ANGPT1: variants seen among roughly 807,000 people sequenced by gnomAD.
The protein encoded by ANGPT1 is angiopoietin-1.
A neutral mutation model predicts 62.2 loss-of-function variants in ANGPT1; 17 were observed. That is an observed-to-expected ratio of 0.27 (90% CI 0.19 to 0.41). ANGPT1 has a LOEUF of 0.41. ANGPT1 is among the 10% of genes least tolerant of loss of function. The pLI is 1.00. For missense variants in ANGPT1, 478 were observed against 594.9 expected, an observed-to-expected ratio of 0.80 and a Z score of 2.04; for synonymous variants, 199 against 198.9, an observed-to-expected ratio of 1.00 and a Z score of 0.00.
intron 1 of ANGPT1, among the ~76,000 whole-genome samples, chr8:107,399,642 C>T (rs1298231245): frequency 1.3e-5 from 2 of 152,120 alleles, no homozygotes; most frequent in Non-Finnish European, 2.9e-5. Context: ...AGTGGCTGAG[C>T]CCGGCTCCTG....
At chr8:107,354,749 C>T (rs949583000) in intron 1 of ANGPT1, among the ~76,000 whole-genome samples, 1 of 152,018 alleles carries the variant, frequency 6.6e-6, no homozygotes, top group Non-Finnish European at 1.5e-5. Flanking sequence ...CCATTCTGTC[C>T]CAAATATATT....
intron 1 of ANGPT1, among the ~76,000 whole-genome samples, chr8:107,393,972 C>T (rs1357285743): frequency 1.3e-5 from 2 of 152,130 alleles, no homozygotes; most frequent in African/African-American, 2.4e-5. Context: ...TGCATTTTGA[C>T]TTTCAGTCTT....
intron 1 of ANGPT1, among the ~76,000 whole-genome samples, chr8:107,476,810 AGT>A (rs1222331257): frequency 6.6e-6 from 1 of 152,156 alleles, no homozygotes; most frequent in Non-Finnish European, 1.5e-5. Flanking sequence ...TGATGACCCC[AGT>A]TCTAAAATCC....
intron 5 of ANGPT1, among the ~76,000 whole-genome samples, chr8:107,300,624 G>A (rs1010379959): frequency 6.6e-6 from 1 of 151,780 alleles, no homozygotes; most frequent in Non-Finnish European, 1.5e-5. Flanking sequence ...GAAAAGCCAT[G>A]GTGGCCATTC....
At chr8:107,386,650 A>G (rs142939595) in intron 1 of ANGPT1, among the ~76,000 whole-genome samples, 15 of 152,258 alleles carry the variant, frequency 9.9e-5, no homozygotes, top group Non-Finnish European at 1.9e-4. Flanking sequence ...TTACTCAAAC[A>G]CTTAACTTCA....
intron 1 of ANGPT1, among the ~76,000 whole-genome samples, chr8:107,391,614 C>A (rs751145560): frequency 5.9e-5 from 9 of 152,118 alleles, no homozygotes; most frequent in Non-Finnish European, 1.2e-4. Context: ...TTGGAGTGAC[C>A]TGAGATCATG....
At position 107,465,677 on chromosome 8, in the gene ANGPT1, T is replaced by A. The variant is rs1028989443; in HGVS notation, c.297+31585A>T. 2.6e-5 allele frequency among the ~76,000 whole-genome samples: 4 copies of A among 152,158 alleles called. No individual in the cohort carries two copies. The East Asian group carries it at 7.7e-4, about 29-fold the overall frequency. On this transcript the variant is annotated intron_variant, in intron 1 of 8. Transcript: ENST00000517746. ...TTTTCAAGTAAATGCAAAATAGTAC[T>A]AAATAGCATCCCTCAAGATTATAGC... is the stretch of plus-strand genomic sequence containing the variant.
At chr8:107,445,512 A>G (rs776383581) in intron 1 of ANGPT1, among the ~76,000 whole-genome samples, 2 of 152,264 alleles carry the variant, frequency 1.3e-5, no homozygotes, top group African/African-American at 2.4e-5. Flanking sequence ...TCTTAAATAT[A>G]TATTATGGAC....
At chr8:107,343,603 A>G (rs1815742013) in intron 2 of ANGPT1, among the ~76,000 whole-genome samples, 1 of 152,240 alleles carries the variant, frequency 6.6e-6, no homozygotes, top group South Asian at 2.1e-4. Flanking sequence ...TTGGAAAGGT[A>G]CATCTTTAAG....
At chr8:107,348,551 A>G (rs1657265401) in intron 1 of ANGPT1, among the ~76,000 whole-genome samples, 1 of 152,168 alleles carries the variant, frequency 6.6e-6, no homozygotes, top group Admixed American at 6.5e-5. Context: ...AAAAAATTCA[A>G]CCTATAAAAG....
At chr8:107,337,552 T>C (rs2130125179) in intron 2 of ANGPT1, among the ~76,000 whole-genome samples, 1 of 152,292 alleles carries the variant, frequency 6.6e-6, no homozygotes, top group African/African-American at 2.4e-5. Context: ...CTCTCTTTAC[T>C]CCTTAAGGGA....
At chr8:107,392,000 T>C (rs1367358257) in intron 1 of ANGPT1, among the ~76,000 whole-genome samples, 1 of 152,214 alleles carries the variant, frequency 6.6e-6, no homozygotes, top group South Asian at 2.1e-4. Context: ...AATGTTGTTA[T>C]GTGGTGCATG....
intron 4 of ANGPT1, among the ~76,000 whole-genome samples, chr8:107,317,614 G>A (rs1162895824): frequency 1.4e-5 from 2 of 143,822 alleles, no homozygotes; most frequent in Admixed American, 7.3e-5. Context: ...TAGATAACCA[G>A]TGAATTTATT....
intron 4 of ANGPT1, among the ~76,000 whole-genome samples, chr8:107,311,945 T>C (rs1814877254): frequency 6.6e-6 from 1 of 151,660 alleles, no homozygotes. Flanking sequence ...GCGCCTGTAG[T>C]CCCAGCTACT....
intron 4 of ANGPT1, among the ~76,000 whole-genome samples, chr8:107,312,400 G>C (rs949673303): frequency 2.0e-5 from 3 of 152,146 alleles, no homozygotes; most frequent in Non-Finnish European, 4.4e-5. Context: ...TCTGCTATGA[G>C]CAGACAAATA....
rs567808624 is a variant in ANGPT1 at position 107,463,177 on chromosome 8, A to G, written c.297+34085T>C. Among the ~76,000 whole-genome samples the G allele has an allele frequency of 2.6e-5, 4 of 152,144 alleles. No individual in the cohort carries two copies. In the East Asian group the frequency reaches 7.7e-4, roughly 29 times the overall value. On this transcript the variant is annotated intron_variant, in intron 1 of 8. Transcript: ENST00000517746. ...ATGCATGCTTTGATGAAGTAAGCTG[A>G]ATGTTGGAGAGGCCCATATGGCAAC...
At position 107,497,104 on chromosome 8, in the gene ANGPT1, C is replaced by G. The variant is rs41323951; in HGVS notation, c.297+158G>C. 0.3 allele frequency among the ~76,000 whole-genome samples: 45,002 copies of G among 152,156 alleles called. 7,710 individuals carry two copies. Among genetic ancestry groups the G allele is most frequent in the Middle Eastern group, 0.38 (113 of 294 alleles). On this transcript the variant is annotated intron_variant, in intron 1 of 8. Coordinates refer to ENST00000517746, the MANE Select transcript of ANGPT1 (RefSeq NM_001146.5). ...GCAAGCCCCCAAACCTTGGCTTACC[C>G]AGGAAGCCAAACCCAGACAGCCGTC...
At chr8:107,468,770 A>T (rs940473540) in intron 1 of ANGPT1, among the ~76,000 whole-genome samples, 2 of 152,068 alleles carry the variant, frequency 1.3e-5, no homozygotes, top group Non-Finnish European at 2.9e-5. Context: ...AGTGGAGGGA[A>T]TCCTCCTGAT....
At chr8:107,257,704 A>G (rs901470260) in intron 8 of ANGPT1, among the ~76,000 whole-genome samples, 8 of 152,130 alleles carry the variant, frequency 5.3e-5, no homozygotes, top group African/African-American at 1.9e-4. Context: ...CAATGGGATC[A>G]TAATGGAAAA....
Sources: gnomAD v4.1 joint callset for allele counts (sites outside exome capture counted in the v4.1 genomes callset) on GRCh38, gnomAD v4.1.1 for gene constraint, MANE v1.5 for transcripts, NCBI Gene and HGNC (gene_info 2026-07-23, HGNC 2026-07-21) for gene names.